Variants in IFT80 observed in about 807,000 individuals in gnomAD.
IFT80 encodes intraflagellar transport 80, also known as intraflagellar transport protein 80 homolog.
A neutral mutation model predicts 107.9 loss-of-function variants in IFT80; 79 were observed. The observed-to-expected ratio is 0.73, with a 90% CI of 0.61 to 0.88. The LOEUF is 0.88. IFT80 is among the 40% of genes least tolerant of loss of function. IFT80 has a pLI of 0.00. For synonymous variants in IFT80, 299 were observed against 300.9 expected (o/e 0.99, Z 0.07); for missense variants, 797 against 914.2 (o/e 0.87, Z 1.65).
intron 6 of IFT80, among the ~76,000 whole-genome samples, chr3:160,358,857 GA>G (rs1222324832): frequency 2.6e-5 from 4 of 152,078 alleles, no homozygotes; most frequent in Non-Finnish European, 5.9e-5. Flanking sequence ...CTTTGAACAA[GA>G]AGCTCCTTGA....
At chr3:160,321,184 G>A (rs1292419713) in intron 8 of IFT80, among the ~76,000 whole-genome samples, 4 of 151,818 alleles carry the variant, frequency 2.6e-5, no homozygotes, top group East Asian at 1.9e-4. Flanking sequence ...AATATTTGAA[G>A]TCATCTTTTG....
chr3:160,366,797 A>G (rs931195651), intron 5 of IFT80, among the ~76,000 whole-genome samples: 7 of 151,918 alleles, frequency 4.6e-5, no homozygotes, highest in African/African-American at 1.7e-4. Flanking sequence ...CCTCTCAAGC[A>G]TTTTTCCTTT....
In IFT80 at chr3:160,366,235, A is replaced by T. The variant is rs1291046092; in HGVS notation, c.440-83T>A. On this transcript the variant is annotated intron_variant, in intron 5 of 19. Coordinates refer to ENST00000326448, the MANE Select transcript of IFT80 (RefSeq NM_020800.3). Reference sequence around the variant, plus strand: ...AAAAAGAGAGATTGTTAAGAGGATCAAAAAAGCCATATGAGGTGTCATTTC... The same window carrying T: ...AAAAAGAGAGATTGTTAAGAGGATCTAAAAAGCCATATGAGGTGTCATTTC... 1.2e-5 allele frequency: 12 copies of T among 992,940 alleles called. No individual in the cohort carries two copies. The East Asian group carries it at 2.7e-4, about 22-fold the overall frequency. 61.5% of individuals were successfully genotyped at this position (992,940 alleles called of 1,614,324 possible).
chr3:160,388,305 G>C (rs1713097945), intron 1 of IFT80, among the ~76,000 whole-genome samples: 1 of 148,748 alleles, frequency 6.7e-6, no homozygotes, highest in Non-Finnish European at 1.5e-5. Context: ...GAAAAGATAA[G>C]CCTAAGAAAC....
At chr3:160,393,142 AT>A (rs1252685660) in intron 1 of IFT80, among the ~76,000 whole-genome samples, 1 of 152,214 alleles carries the variant, frequency 6.6e-6, no homozygotes. Flanking sequence ...TCACCCAGAG[AT>A]TTAAAGACAG....
chr3:160,344,407 C>G (rs1051945459), intron 8 of IFT80, among the ~76,000 whole-genome samples: 9 of 152,100 alleles, frequency 5.9e-5, no homozygotes, highest in African/African-American at 2.2e-4. Flanking sequence ...AAGAATGAAA[C>G]TAGACCCCTA....
At chr3:160,350,397 CAG>C (rs1720592275) in intron 8 of IFT80, among the ~76,000 whole-genome samples, 1 of 130,678 alleles carries the variant, frequency 7.7e-6, no homozygotes, top group African/African-American at 2.9e-5. Flanking sequence ...GCCTGGGTGA[CAG>C]AGCAAGACTC....
At chr3:160,307,076 T>G (rs922899904) in intron 10 of IFT80, among the ~76,000 whole-genome samples, 14 of 152,230 alleles carry the variant, frequency 9.2e-5, no homozygotes, top group African/African-American at 3.4e-4. Flanking sequence ...AGGAATCAAC[T>G]GGTAGTATGC....
rs750697170 is a variant in IFT80, at chr3:160,319,880, G to A, written c.837C>T (p.Ile279=). The change falls in exon 9 of 20, where the codon ATC becomes ATT. Residue 279 remains isoleucine, a synonymous_variant. Transcript: ENST00000326448. The part of the protein sequence containing the change: ...TGSIFNIAWS[I]DGTQIAGACG... The stretch of plus-strand genomic sequence containing the variant: ...AGGCTCCAGCAATCTGAGTGCCATC[G>A]ATAGACCATGCAATATTAAATATGC... The A allele has an allele frequency of 9.9e-6, 16 of 1,612,340 alleles. No individual in the cohort carries two copies. Among genetic ancestry groups the A allele is most frequent in the African/African-American group, 5.4e-5 (4 of 74,760 alleles).
intron 9 of IFT80, among the ~76,000 whole-genome samples, chr3:160,317,305 T>C (rs1277329165): frequency 1.3e-5 from 2 of 152,082 alleles, no homozygotes; most frequent in Non-Finnish European, 2.9e-5. Context: ...AAAATAAAAA[T>C]AATGTTCTAG....
At chr3:160,397,081 A>G (rs1272709271) in intron 1 of IFT80, among the ~76,000 whole-genome samples, 1 of 152,194 alleles carries the variant, frequency 6.6e-6, no homozygotes, top group Non-Finnish European at 1.5e-5. Flanking sequence ...CACTAATTCA[A>G]GGATACACAA....
chr3:160,340,494 C>A (rs1719817393), intron 8 of IFT80, among the ~76,000 whole-genome samples: 1 of 152,182 alleles, frequency 6.6e-6, no homozygotes, highest in Non-Finnish European at 1.5e-5. Context: ...GGGAGAAGGA[C>A]CATTTCCTTG....
At chr3:160,385,209 T>C (rs1712831332) in intron 1 of IFT80, among the ~76,000 whole-genome samples, 1 of 152,138 alleles carries the variant, frequency 6.6e-6, no homozygotes, top group African/African-American at 2.4e-5. Flanking sequence ...CTTATAAAAG[T>C]TATGTAAAAA....
intron 12 of IFT80, among the ~76,000 whole-genome samples, chr3:160,297,917 C>A (rs1238629445): frequency 1.3e-5 from 2 of 152,042 alleles, no homozygotes; most frequent in African/African-American, 4.8e-5. Context: ...TAGAAACTGG[C>A]AGAATGAACA....
chr3:160,375,401 G>T (rs1711930047), intron 5 of IFT80, among the ~76,000 whole-genome samples: 1 of 152,076 alleles, frequency 6.6e-6, no homozygotes, highest in African/African-American at 2.4e-5. Flanking sequence ...TTTGGAAAGG[G>T]TGTTAATATT....
At chr3:160,272,693 G>C (rs1343839479) in intron 18 of IFT80, among the ~76,000 whole-genome samples, 1 of 152,096 alleles carries the variant, frequency 6.6e-6, no homozygotes, top group Non-Finnish European at 1.5e-5. Flanking sequence ...ACTGTCTGTA[G>C]ACTGATAATT....
chr3:160,319,108 G>C (rs1399410256), intron 9 of IFT80, among the ~76,000 whole-genome samples: 2 of 151,932 alleles, frequency 1.3e-5, no homozygotes, highest in Non-Finnish European at 2.9e-5. Context: ...AGCCTTAACT[G>C]TTTCTTCAGG....
intron 8 of IFT80, among the ~76,000 whole-genome samples, chr3:160,336,275 GCAGA>G (rs915249213): frequency 3.9e-5 from 6 of 152,190 alleles, no homozygotes; most frequent in African/African-American, 1.4e-4. Flanking sequence ...AGCACCAGGA[GCAGA>G]CAATCAAATA....
intron 13 of IFT80, among the ~76,000 whole-genome samples, chr3:160,284,898 A>G (rs1576751315): frequency 6.6e-6 from 1 of 152,346 alleles, no homozygotes; most frequent in Non-Finnish European, 1.5e-5. Context: ...AATCTCTGGA[A>G]GAATATATAA....
Sources: gnomAD v4.1 joint callset for allele counts (sites outside exome capture counted in the v4.1 genomes callset) on GRCh38, gnomAD v4.1.1 for gene constraint, MANE v1.5 for transcripts, NCBI Gene and HGNC (gene_info 2026-07-23, HGNC 2026-07-21) for gene names.